CSMD2: variants seen among roughly 807,000 people sequenced by gnomAD.
CSMD2 encodes the protein CUB and sushi domain-containing protein 2.
A neutral mutation model predicts 398.5 loss-of-function variants in CSMD2; 130 were observed. The observed-to-expected ratio is 0.33, with a 90% confidence interval of 0.28 to 0.38. CSMD2 has a LOEUF of 0.38. Among genes scored for constraint, CSMD2 ranks in the 10% least tolerant of loss-of-function variants. CSMD2 has a pLI of 1.00. For missense variants in CSMD2, 3,829 were observed against 4,764.9 expected (o/e 0.80, Z 5.78); for synonymous variants, 1,828 against 1,908.5 (o/e 0.96, Z 1.10).
At chr1:33,541,390 C>T in intron 58 of CSMD2, 81 bp from the exon 59 acceptor site, 1 of 1,060,680 alleles carries the variant, frequency 9.4e-7, no homozygotes, top group East Asian at 2.4e-5. Flanking sequence ...TCACTCCCTG[C>T]ATGCATCCAA....
At chr1:33,622,511 T>C (rs1317210803) in intron 36 of CSMD2, among the ~76,000 whole-genome samples, 1 of 152,198 alleles carries the variant, frequency 6.6e-6, no homozygotes, top group Admixed American at 6.5e-5. Flanking sequence ...CAGAGCCATG[T>C]GCCCGCAGGA....
chr1:33,988,200 A>G (rs762336045), intron 3 of CSMD2, among the ~76,000 whole-genome samples: 22 of 152,242 alleles, frequency 1.4e-4, no homozygotes, highest in Non-Finnish European at 2.6e-4. Context: ...TGAAGGAGTG[A>G]AATCTGCGAA....
rs142169949 is a variant in CSMD2, at chr1:33,663,052, C to T, written c.4093G>A (p.Val1365Met). 6.9e-5 allele frequency: 112 copies of T among 1,614,110 alleles called. No homozygotes were observed. Among genetic ancestry groups the T allele is most frequent in the East Asian group, 5.1e-4 (23 of 44,884 alleles). ...LVFDTEEVHD[V>M]LRIWDGPVES... ...ACAGGCCCATCCCAGATGCGCAGCA[C>T]GTCGTGAACCTCCTCTGTGTCAAAC... Residue 1365 changes from valine (V) to methionine (M), a missense_variant, in exon 26 of 71, where the codon GTG (valine) becomes ATG (methionine). Coordinates refer to ENST00000373381, the MANE Select transcript of CSMD2 (RefSeq NM_001281956.2).
At chr1:34,109,223 C>T (rs116532908) in intron 1 of CSMD2, among the ~76,000 whole-genome samples, 3,533 of 152,310 alleles carry the variant, frequency 0.023, 60 homozygotes, top group Middle Eastern at 0.048. Context: ...CTTCAGCAGA[C>T]GTGTTGCTCA....
In CSMD2 at chr1:33,635,776, G is replaced by T. The variant is rs1339430309; in HGVS notation, c.4970-446C>A. On this transcript the variant is annotated intron_variant, in intron 30 of 70. Transcript: ENST00000373381. The surrounding 1 kb of genome is among the most constrained non-coding windows in gnomAD (Gnocchi z 5.0). ...CCCATGGGGAGTGGCCAGCCCATGT[G>T]ACCCAGCCACCTTCTGTTCCTCTCC... 6.6e-6 allele frequency among the ~76,000 whole-genome samples: 1 copy of T among 152,122 alleles called. No homozygotes were observed. The highest frequency in any genetic ancestry group is 2.4e-5 in the African/African-American group (1 of 41,434).
chr1:33,817,800 C>T (rs1332233433), intron 9 of CSMD2, among the ~76,000 whole-genome samples: 1 of 152,132 alleles, frequency 6.6e-6, no homozygotes, highest in Admixed American at 6.5e-5. Context: ...AGAAACTGGC[C>T]CAAGGGCCCC....
At chr1:34,054,380 G>A (rs1038968867) in intron 2 of CSMD2, among the ~76,000 whole-genome samples, 1 of 152,092 alleles carries the variant, frequency 6.6e-6, no homozygotes, top group African/African-American at 2.4e-5. Context: ...TTGCACTAAA[G>A]ACAGGCATGA....
chr1:34,154,506 G>A (rs1288170039), intron 1 of CSMD2, among the ~76,000 whole-genome samples: 1 of 152,120 alleles, frequency 6.6e-6, no homozygotes, highest in East Asian at 1.9e-4. Flanking sequence ...TATCCTCAGG[G>A]GAACAGATAC....
At chr1:33,740,713 G>A (rs1306062476) in intron 14 of CSMD2, among the ~76,000 whole-genome samples, 2 of 152,106 alleles carry the variant, frequency 1.3e-5, no homozygotes, top group Non-Finnish European at 2.9e-5. Flanking sequence ...AATATGGTGT[G>A]GGAAAAAAAA....
chr1:33,766,611 C>T (rs750646433), intron 13 of CSMD2, among the ~76,000 whole-genome samples: 1 of 152,208 alleles, frequency 6.6e-6, no homozygotes, highest in Non-Finnish European at 1.5e-5. Context: ...TCTCTGAATT[C>T]GTGGCACTTA....
intron 1 of CSMD2, among the ~76,000 whole-genome samples, chr1:34,153,787 G>A (rs1425941225): frequency 6.6e-6 from 1 of 152,208 alleles, no homozygotes; most frequent in African/African-American, 2.4e-5. Flanking sequence ...TCTATACAGA[G>A]AGCCAGCCCT....
intron 39 of CSMD2, 135 bp downstream of exon 39, chr1:33,616,771 A>G (rs1401149654): frequency 2.1e-5 from 14 of 660,744 alleles, no homozygotes; most frequent in Non-Finnish European, 2.7e-5. Flanking sequence ...CATCAGTTTA[A>G]AATGACTGAC....
At chr1:33,831,791 G>A (rs1422009798) in intron 6 of CSMD2, among the ~76,000 whole-genome samples, 2 of 151,582 alleles carry the variant, frequency 1.3e-5, no homozygotes, top group Non-Finnish European at 2.9e-5. Flanking sequence ...GACACACATA[G>A]GCTCAAAATA....
intron 13 of CSMD2, among the ~76,000 whole-genome samples, chr1:33,765,745 A>G (rs1650406202): frequency 6.6e-6 from 1 of 152,212 alleles, no homozygotes; most frequent in African/African-American, 2.4e-5. Flanking sequence ...AATAGGGAAA[A>G]TGAGGTTGGG....
intron 49 of CSMD2, among the ~76,000 whole-genome samples, chr1:33,575,605 C>T (rs1467630559): frequency 1.3e-5 from 2 of 152,120 alleles, no homozygotes; most frequent in African/African-American, 4.8e-5. Flanking sequence ...GATGGGTCAA[C>T]TGAAGTCTGG....
intron 26 of CSMD2, among the ~76,000 whole-genome samples, chr1:33,659,068 T>C (rs1290506484): frequency 6.6e-6 from 1 of 151,160 alleles, no homozygotes; most frequent in Non-Finnish European, 1.5e-5. Context: ...AGTCAGATAT[T>C]TGTAGCAAGT....
intron 1 of CSMD2, among the ~76,000 whole-genome samples, chr1:34,143,348 C>T (rs867978451): frequency 8.5e-5 from 13 of 152,184 alleles, no homozygotes; most frequent in Non-Finnish European, 1.6e-4. Flanking sequence ...TCTACACTAA[C>T]TGCCCCCTAG....
In CSMD2 at chr1:34,089,039, T is replaced by C. The variant is rs1658243137; in HGVS notation, c.342A>G (p.Glu114=). ...ACACCGACAGGACATCAAAGTCCTC[T>C]TCCAGGGCAAAGGACTGGAACACAA... ...IQLVFQSFAL[E]EDFDVLSVFD... is the part of the protein sequence containing the mutation. The change falls in exon 2 of 71, where the codon GAA becomes GAG. Residue 114 remains glutamate (E), a synonymous_variant. Coordinates refer to ENST00000373381, the MANE Select transcript of CSMD2 (RefSeq NM_001281956.2). The C allele has an allele frequency of 1.2e-6, 2 of 1,614,200 alleles. No individual in the cohort carries two copies. Among genetic ancestry groups the C allele is most frequent in the South Asian group, 2.2e-5 (2 of 91,084 alleles).
At chr1:33,881,159 TTC>T (rs1570380542) in intron 5 of CSMD2, among the ~76,000 whole-genome samples, 2 of 152,056 alleles carry the variant, frequency 1.3e-5, no homozygotes, top group East Asian at 3.9e-4. Flanking sequence ...CATTCTGGAG[TTC>T]TGTCAGGGCA....
Sources: gnomAD v4.1 joint callset for allele counts (sites outside exome capture counted in the v4.1 genomes callset) on GRCh38, gnomAD v4.1.1 for gene constraint, Gnocchi (gnomAD v3.1) non-coding constraint, MANE v1.5 for transcripts, NCBI Gene and HGNC (gene_info 2026-07-23, HGNC 2026-07-21) for gene names.